Variants in MAGI2 observed in about 807,000 individuals in gnomAD.
MAGI2 encodes the protein membrane-associated guanylate kinase, WW and PDZ domain-containing protein 2.
A neutral mutation model predicts 133.3 loss-of-function variants in MAGI2; 35 were observed. The ratio of observed to expected loss-of-function variants is 0.26; its 90% CI spans 0.20 to 0.35. MAGI2 has a LOEUF of 0.35. Among genes scored for constraint, MAGI2 ranks in the 10% least tolerant of loss-of-function variants. The pLI is 1.00. For missense variants in MAGI2, 1,636 were observed against 1,863.4 expected, an observed-to-expected ratio of 0.88 and a Z score of 2.25; for synonymous variants, 729 against 710.6, an observed-to-expected ratio of 1.03 and a Z score of -0.41.
intron 21 of MAGI2, among the ~76,000 whole-genome samples, chr7:78,049,321 A>G (rs1027569948): frequency 1.3e-5 from 2 of 152,202 alleles, no homozygotes; most frequent in Non-Finnish European, 2.9e-5. Context: ...CAAGCTAAAA[A>G]CAAGTGTAAA....
intron 2 of MAGI2, among the ~76,000 whole-genome samples, chr7:78,912,753 ATATATATATC>A (rs1584370530): frequency 1.4e-5 from 2 of 147,682 alleles, no homozygotes; most frequent in South Asian, 2.1e-4. Context: ...TCATTCATAT[ATATATATATC>A]ATTCATATAT....
chr7:78,106,292 C>A (rs567101879), intron 20 of MAGI2, among the ~76,000 whole-genome samples: 22 of 152,174 alleles, frequency 1.4e-4, no homozygotes, highest in African/African-American at 5.1e-4. Flanking sequence ...CAAATCTTTG[C>A]TATTGTGAAT....
chr7:78,473,660 C>G (rs926830151), intron 6 of MAGI2, among the ~76,000 whole-genome samples: 1 of 138,728 alleles, frequency 7.2e-6, no homozygotes, highest in Non-Finnish European at 1.5e-5. Flanking sequence ...TTTCATCATG[C>G]CCAATGATGT....
intron 6 of MAGI2, among the ~76,000 whole-genome samples, chr7:78,443,329 C>G (rs1040197530): frequency 6.6e-6 from 1 of 152,074 alleles, no homozygotes; most frequent in Non-Finnish European, 1.5e-5. Flanking sequence ...GGGGTCCTAT[C>G]TTGGACCTCA....
At chr7:79,057,927 C>T (rs1220205217) in intron 1 of MAGI2, among the ~76,000 whole-genome samples, 1 of 150,064 alleles carries the variant, frequency 6.7e-6, no homozygotes, top group African/African-American at 2.5e-5. Flanking sequence ...AGTAACTATA[C>T]AAATTGTTCC....
intron 2 of MAGI2, among the ~76,000 whole-genome samples, chr7:78,970,354 T>C (rs182219798): frequency 2.2e-4 from 34 of 152,168 alleles, no homozygotes; most frequent in Admixed American, 2.0e-3. Context: ...TCCAGCAACT[T>C]GCCTATGTCT....
intron 5 of MAGI2, among the ~76,000 whole-genome samples, chr7:78,501,082 T>G (rs1794578514): frequency 6.6e-6 from 1 of 152,210 alleles, no homozygotes; most frequent in South Asian, 2.1e-4. Context: ...AGTGAGACCT[T>G]GTCTCAAAGA....
chr7:78,493,895 G>A (rs1440890086), intron 5 of MAGI2, among the ~76,000 whole-genome samples: 1 of 150,756 alleles, frequency 6.6e-6, no homozygotes, highest in African/African-American at 2.5e-5. Flanking sequence ...TGTGATTGAG[G>A]AGGCATTGAT....
intron 1 of MAGI2, among the ~76,000 whole-genome samples, chr7:79,428,913 T>A (rs931532336): frequency 1.3e-5 from 2 of 152,300 alleles, no homozygotes; most frequent in South Asian, 4.1e-4. Flanking sequence ...GTAATTTTTT[T>A]AGATAGCACT....
intron 18 of MAGI2, among the ~76,000 whole-genome samples, chr7:78,129,241 C>T (rs17161222): frequency 0.098 from 14,888 of 152,200 alleles, 803 homozygotes; most frequent in African/African-American, 0.11. Flanking sequence ...TCCAGGCCAT[C>T]AGGCACTTAA....
chr7:79,285,359 G>T (rs1835923470), intron 1 of MAGI2, among the ~76,000 whole-genome samples: 1 of 152,006 alleles, frequency 6.6e-6, no homozygotes, highest in African/African-American at 2.4e-5. Flanking sequence ...TCAAGAGAGA[G>T]CTCATACTGA....
intron 20 of MAGI2, among the ~76,000 whole-genome samples, chr7:78,121,231 T>TAAAAA (rs60654902): frequency 7.9e-6 from 1 of 126,604 alleles, no homozygotes; most frequent in African/African-American, 2.9e-5. Flanking sequence ...GCAGAAACTA[T>TAAAAA]AAAAAAAAAA....
intron 1 of MAGI2, among the ~76,000 whole-genome samples, chr7:79,055,358 T>C (rs1329617654): frequency 6.6e-6 from 1 of 152,098 alleles, no homozygotes; most frequent in Non-Finnish European, 1.5e-5. Context: ...ATGTACTCAA[T>C]TGATAGTTGT....
intron 6 of MAGI2, among the ~76,000 whole-genome samples, chr7:78,395,697 G>A (rs188164701): frequency 5.9e-5 from 9 of 152,180 alleles, no homozygotes; most frequent in South Asian, 4.2e-4. Context: ...GTTCTAAACC[G>A]GTGCTACTCT....
rs562733773 is a variant in MAGI2, at chr7:79,398,569, A to G, written c.301+54451T>C. On this transcript the variant is annotated intron_variant, in intron 1 of 21. Transcript: ENST00000354212. ...GAAGTATTCCGTAATACTGTTTTTC[A>G]TCAGTGATGAATTCATTTGGACAGG... Among the ~76,000 whole-genome samples, 55 of 152,322 alleles carry G rather than the reference A, an allele frequency of 3.6e-4. 4 individuals are homozygous for G. The South Asian group carries it at 0.011, about 32-fold the overall frequency.
At chr7:79,133,409 T>C (rs1022272926) in intron 1 of MAGI2, among the ~76,000 whole-genome samples, 4 of 152,290 alleles carry the variant, frequency 2.6e-5, no homozygotes, top group East Asian at 3.9e-4. Flanking sequence ...AAATAGTGTG[T>C]CCTTTCCCTA....
chr7:79,027,639 G>A (rs1810032446), intron 1 of MAGI2, among the ~76,000 whole-genome samples: 1 of 152,108 alleles, frequency 6.6e-6, no homozygotes. Context: ...TAACAACAGT[G>A]TATTGTACAT....
At chr7:78,843,571 T>C (rs1792324973) in intron 2 of MAGI2, among the ~76,000 whole-genome samples, 1 of 151,958 alleles carries the variant, frequency 6.6e-6, no homozygotes, top group Admixed American at 6.6e-5. Flanking sequence ...TTTTAAAATA[T>C]TTGGCTTGTC....
intron 2 of MAGI2, among the ~76,000 whole-genome samples, chr7:78,636,819 C>A (rs1809711490): frequency 6.6e-6 from 1 of 151,538 alleles, no homozygotes; most frequent in Non-Finnish European, 1.5e-5. Flanking sequence ...AAACCAAAAC[C>A]AAACAAACAA....
Sources: allele counts gnomAD v4.1 joint callset (sites outside exome capture counted in the v4.1 genomes callset), GRCh38; gene constraint gnomAD v4.1.1; transcripts MANE v1.5; gene names NCBI Gene and HGNC (gene_info 2026-07-23, HGNC 2026-07-21).